The following ADIPOR2 variants were observed in gnomAD, a reference collection of about 807,000 sequenced individuals.
The protein encoded by ADIPOR2 is adiponectin receptor 2.
In ADIPOR2, 18 loss-of-function variants were observed where a neutral mutation model predicts 40.9. The observed-to-expected ratio is 0.44, with a 90% CI of 0.30 to 0.65. ADIPOR2 has a LOEUF of 0.65. Ranked by LOEUF, ADIPOR2 falls within the 30% of genes least tolerant of loss-of-function variation. ADIPOR2 has a pLI of 0.09. For synonymous variants in ADIPOR2, 165 were observed against 166.4 expected (o/e 0.99, Z 0.06); for missense variants, 283 against 479.2 (o/e 0.59, Z 3.82).
chr12:1,780,316 A>G, intron 4 of ADIPOR2, 135 bp from the exon 5 acceptor site: 1 of 959,366 alleles, frequency 1.0e-6, no homozygotes, highest in Non-Finnish European at 1.5e-6. Context: ...GGCTTCAGTT[A>G]TTTGGAAGAT....
chr12:1,785,552 T>C (rs1223016677), intron 7 of ADIPOR2, among the ~76,000 whole-genome samples: 4 of 152,240 alleles, frequency 2.6e-5, no homozygotes, highest in African/African-American at 9.6e-5. Context: ...AAAAGGACTG[T>C]ATGTGTAATC....
At chr12:1,775,134 C>A (rs1739812840) in intron 3 of ADIPOR2, among the ~76,000 whole-genome samples, 1 of 152,268 alleles carries the variant, frequency 6.6e-6, no homozygotes, top group South Asian at 2.1e-4. Context: ...CTGCGTCCAG[C>A]TGTTTTTTTA....
chr12:1,772,374 T>C (rs2154444166), intron 2 of ADIPOR2, among the ~76,000 whole-genome samples: 1 of 152,338 alleles, frequency 6.6e-6, no homozygotes, highest in South Asian at 2.1e-4. Context: ...TAAAGCCTTT[T>C]CCTCTGTGTT....
intron 1 of ADIPOR2, among the ~76,000 whole-genome samples, chr12:1,749,912 C>G (rs1489901232): frequency 6.8e-6 from 1 of 147,676 alleles, no homozygotes; most frequent in Non-Finnish European, 1.5e-5. Flanking sequence ...TCATAGTTCA[C>G]TGCAGCCTCA....
intron 1 of ADIPOR2, among the ~76,000 whole-genome samples, chr12:1,736,610 C>T (rs891126437): frequency 6.6e-6 from 1 of 152,084 alleles, no homozygotes; most frequent in Admixed American, 6.6e-5. Context: ...GTCTCTATCC[C>T]CTTCAGTTCT....
intron 2 of ADIPOR2, among the ~76,000 whole-genome samples, chr12:1,764,530 AAAC>A (rs769783655): frequency 2.7e-4 from 41 of 151,090 alleles, no homozygotes; most frequent in African/African-American, 9.0e-4. Flanking sequence ...CTTCAAAGAA[AAAC>A]AACAAAAACC....
chr12:1,787,844 T>C lies in ADIPOR2; in HGVS notation c.*1772T>C, dbSNP rs1862870886. On this transcript the variant is annotated 3_prime_UTR_variant, in exon 8 of 8. Coordinates refer to ENST00000357103, the MANE Select transcript of ADIPOR2 (RefSeq NM_024551.3). ...GGATCTAGGAAGAAAGAATCCAGTG[T>C]AGAAGTTGAGAAGAACTTGAACGTT... is the stretch of plus-strand genomic sequence containing the variant. 6.6e-6 allele frequency: 1 copy of C among 152,514 alleles called. No homozygotes were observed. The allele number at this position is 152,514 out of a possible 1,614,324, so 9.4% of individuals were successfully genotyped here. A position where few individuals can be genotyped will look rare whatever the true frequency, so the allele number is the denominator to read the frequency against.
intron 1 of ADIPOR2, among the ~76,000 whole-genome samples, chr12:1,748,288 G>A (rs12372053): frequency 0.062 from 9,351 of 151,720 alleles, 414 homozygotes; most frequent in Non-Finnish European, 0.088. Context: ...TCTCTCTGTC[G>A]CCCAGGCTGG....
At chr12:1,764,320 G>A (rs181203609) in intron 2 of ADIPOR2, among the ~76,000 whole-genome samples, 1 of 152,086 alleles carries the variant, frequency 6.6e-6, no homozygotes, top group Non-Finnish European at 1.5e-5. Flanking sequence ...TGCTTAAGCA[G>A]CCCTGTTTAA....
intron 1 of ADIPOR2, among the ~76,000 whole-genome samples, chr12:1,727,423 T>C (rs1292978915): frequency 6.6e-6 from 1 of 152,220 alleles, no homozygotes; most frequent in Non-Finnish European, 1.5e-5. Context: ...AGTATCTTTT[T>C]CCAATAAGCA....
intron 1 of ADIPOR2, among the ~76,000 whole-genome samples, chr12:1,705,671 A>G (rs2094660735): frequency 6.6e-6 from 1 of 152,198 alleles, no homozygotes. Context: ...CTTTGTTTCA[A>G]AAACAATAGT....
intron 1 of ADIPOR2, among the ~76,000 whole-genome samples, chr12:1,741,668 AC>A (rs1466885245): frequency 6.6e-6 from 1 of 152,226 alleles, no homozygotes; most frequent in East Asian, 1.9e-4. Context: ...CTACTAGACA[AC>A]CAATGGGGAA....
chr12:1,743,635 A>G (rs143952781), intron 1 of ADIPOR2, among the ~76,000 whole-genome samples: 21 of 152,334 alleles, frequency 1.4e-4, no homozygotes, highest in African/African-American at 5.1e-4. Flanking sequence ...TGATTGTGCC[A>G]CTGCACTCCA....
chr12:1,744,229 C>T (rs1009233017), intron 1 of ADIPOR2, among the ~76,000 whole-genome samples: 1 of 151,940 alleles, frequency 6.6e-6, no homozygotes, highest in South Asian at 2.1e-4. Context: ...GTCAGCCTCC[C>T]GAGTAGCTGG....
intron 1 of ADIPOR2, among the ~76,000 whole-genome samples, chr12:1,740,147 A>G (rs543016294): frequency 2.2e-4 from 34 of 152,324 alleles, no homozygotes; most frequent in African/African-American, 7.7e-4. Flanking sequence ...ATAAAGGATT[A>G]TGATGATGCC....
rs752112852 is a variant in ADIPOR2 at position 1,784,113 on chromosome 12, C to T, written c.1032+40C>T. 13 of 1,479,022 alleles carry T rather than the reference C, an allele frequency of 8.8e-6. No homozygotes were observed. The Middle Eastern group carries it at 7.0e-4, about 80-fold the overall frequency. 91.6% of individuals were successfully genotyped at this position (1,479,022 alleles called of 1,614,324 possible). A position where few individuals can be genotyped will look rare whatever the true frequency, so the allele number is the denominator to read the frequency against. ...GTGACTGAGTGTGTAGGTATCTGCT[C>T]ATGAGTTATTGGCATCCTGCAGAGT... On this transcript the variant is annotated intron_variant, in intron 7 of 7. Coordinates refer to ENST00000357103, the MANE Select transcript of ADIPOR2 (RefSeq NM_024551.3).
At chr12:1,716,553 A>G (rs117208988) in intron 1 of ADIPOR2, among the ~76,000 whole-genome samples, 2,297 of 152,344 alleles carry the variant, frequency 0.015, 23 homozygotes, top group Middle Eastern at 0.054. Context: ...AACTATATTA[A>G]AACTGCATTG....
intron 1 of ADIPOR2, among the ~76,000 whole-genome samples, chr12:1,711,608 C>A (rs965221769): frequency 1.9e-4 from 10 of 52,028 alleles, no homozygotes; most frequent in Non-Finnish European, 4.2e-4. Flanking sequence ...CTCTCTTTGT[C>A]TCTTCCTCTC....
chr12:1,773,013 A>G, intron 3 of ADIPOR2, 52 bp downstream of exon 3: 1 of 1,587,218 alleles, frequency 6.3e-7, no homozygotes, highest in Non-Finnish European at 8.6e-7. Flanking sequence ...GCCCTTCCAA[A>G]ACAGAAACCT....
Sources: allele counts gnomAD v4.1 joint callset (sites outside exome capture counted in the v4.1 genomes callset), GRCh38; gene constraint gnomAD v4.1.1; transcripts MANE v1.5; gene names NCBI Gene and HGNC (gene_info 2026-07-23, HGNC 2026-07-21).